Variants in G3BP2 observed in about 807,000 individuals in gnomAD.
G3BP2 encodes the protein ras GTPase-activating protein-binding protein 2.
G3BP2 carries 11 observed loss-of-function variants against 56.7 expected under a neutral mutation model. The ratio of observed to expected loss-of-function variants is 0.19; its 90% CI spans 0.12 to 0.32. The LOEUF is 0.32. Among genes scored for constraint, G3BP2 ranks in the 10% least tolerant of loss-of-function variants. G3BP2 has a pLI of 1.00. For synonymous variants in G3BP2, 165 were observed against 191.6 expected, an observed-to-expected ratio of 0.86 and a Z score of 1.15; for missense variants, 340 against 610.9, an observed-to-expected ratio of 0.56 and a Z score of 4.67.
rs1731036593 is a variant in G3BP2, at chr4:75,643,779, T to G, written c.*1651A>C. 1 of 152,638 alleles carries G rather than the reference T, an allele frequency of 6.6e-6. No individual in the cohort carries two copies. The highest frequency in any genetic ancestry group is 2.4e-5 in the African/African-American group (1 of 41,448). 9.5% of individuals were successfully genotyped at this position (152,638 alleles called of 1,614,324 possible). ...GAAGTCTTCCATGCTAACGAGCAGC[T>G]TTAAGTGGTCACACTTATTTACCCC... On this transcript the variant is annotated 3_prime_UTR_variant, in exon 12 of 12. Coordinates refer to ENST00000359707, the MANE Select transcript of G3BP2 (RefSeq NM_203505.3).
intron 3 of G3BP2, among the ~76,000 whole-genome samples, chr4:75,710,728 GTAA>G (rs900241774): frequency 6.6e-6 from 1 of 151,698 alleles, no homozygotes; most frequent in Non-Finnish European, 1.5e-5. Context: ...GTGCAGTAGT[GTAA>G]TAATAGCTCA....
upstream of G3BP2, among the ~76,000 whole-genome samples, chr4:75,675,077 T>G (rs1265217317): frequency 6.6e-6 from 1 of 151,846 alleles, no homozygotes; most frequent in Non-Finnish European, 1.5e-5. Flanking sequence ...CTTGGAGAGG[T>G]CAAGTAACTT....
Position 75,644,631 on chromosome 4 carries a change from T to C in G3BP2, c.*799A>G, listed in dbSNP as rs903554887. The C allele has an allele frequency of 6.6e-6, 1 of 151,306 alleles. No individual in the cohort carries two copies. The highest frequency in any genetic ancestry group is 2.4e-5 in the African/African-American group (1 of 40,952). The allele number at this position is 151,306 out of a possible 1,614,324, so 9.4% of individuals were successfully genotyped here. On this transcript the variant is annotated 3_prime_UTR_variant, in exon 12 of 12. Transcript: ENST00000359707. ...AGAAAGGAAAAAAGGGGAGGAGGAG[T>C]GTGTTGAGCAGCCAGCCATCCCTGT...
At chr4:75,697,721 G>A (rs974934570) in intron 3 of G3BP2, among the ~76,000 whole-genome samples, 80 of 152,258 alleles carry the variant, frequency 5.3e-4, no homozygotes, top group African/African-American at 1.8e-3. Context: ...ATCACTTGAG[G>A]TCAGGAGTTT....
At chr4:75,697,510 G>A (rs962755473) in intron 3 of G3BP2, among the ~76,000 whole-genome samples, 2 of 152,024 alleles carry the variant, frequency 1.3e-5, no homozygotes, top group African/African-American at 4.8e-5. Context: ...AAAAATTAAT[G>A]TATTTATGTA....
intron 1 of G3BP2, among the ~76,000 whole-genome samples, chr4:75,666,148 A>G (rs1016058673): frequency 2.6e-5 from 4 of 152,236 alleles, no homozygotes; most frequent in Non-Finnish European, 4.4e-5. Context: ...AGGTTCAAAA[A>G]AAGCTTCAAA....
Position 75,679,147 on chromosome 4 carries a change from T to G in G3BP2, c.-24-17098A>C, listed in dbSNP as rs928485219. ...CCAGAGTCCCTCTGACTCATGCCACTACACCATGTCCTACTGCTAAATGAT... is the reference window on the plus strand; with the variant it reads ...CCAGAGTCCCTCTGACTCATGCCACGACACCATGTCCTACTGCTAAATGAT... On this transcript the variant is annotated intron_variant, in intron 3 of 3. Coordinates refer to the G3BP2 transcript ENST00000499709. Among the ~76,000 whole-genome samples the G allele has an allele frequency of 2.0e-5, 3 of 152,232 alleles. No individual in the cohort carries two copies. The South Asian group carries it at 6.2e-4, about 31-fold the overall frequency.
In G3BP2 at chr4:75,663,004, G is replaced by A. The variant is rs140864915; in HGVS notation, c.-24-955C>T. On this transcript the variant is annotated intron_variant, in intron 1 of 11. Transcript: ENST00000359707. ...ACCAGCTATAACTTCAGTACTTAGA[G>A]AGAATCATTTTTTACCTTTGATATT... Among the ~76,000 whole-genome samples the A allele has an allele frequency of 2.6e-4, 40 of 152,278 alleles. No individual in the cohort carries two copies. The East Asian group carries it at 7.5e-3, about 29-fold the overall frequency.
At chr4:75,674,716 ATATT>A (rs1398902021), upstream of G3BP2, among the ~76,000 whole-genome samples, 740 of 52,882 alleles carry the variant, frequency 0.014, 4 homozygotes, top group African/African-American at 0.023. Flanking sequence ...ATATATATAT[ATATT>A]TTTTTTTTTT....
At chr4:75,673,652 G>A (rs1008796312), upstream of G3BP2, 1 of 1,228,516 alleles carries the variant, frequency 8.1e-7, no homozygotes. Flanking sequence ...GACGTCACAA[G>A]CAGGCTGCCT....
chr4:75,693,663 C>T (rs1718971177), intron 3 of G3BP2, among the ~76,000 whole-genome samples: 1 of 151,888 alleles, frequency 6.6e-6, no homozygotes, highest in African/African-American at 2.4e-5. Context: ...GTGGCGGGCA[C>T]CTGTAATCCC....
At chr4:75,691,642 A>G (rs1367543381) in intron 3 of G3BP2, among the ~76,000 whole-genome samples, 2 of 152,224 alleles carry the variant, frequency 1.3e-5, no homozygotes, top group African/African-American at 2.4e-5. Flanking sequence ...AGCGCTCAAC[A>G]GGAGTCTGGG....
At chr4:75,675,298 AT>A (rs2149057426), upstream of G3BP2, among the ~76,000 whole-genome samples, 1 of 152,314 alleles carries the variant, frequency 6.6e-6, no homozygotes, top group East Asian at 1.9e-4. Context: ...TTCACCATGT[AT>A]CCTGCAGAGG....
At chr4:75,688,353 T>C (rs975987541) in intron 3 of G3BP2, among the ~76,000 whole-genome samples, 1 of 152,144 alleles carries the variant, frequency 6.6e-6, no homozygotes, top group Non-Finnish European at 1.5e-5. Context: ...CCCATTAAGA[T>C]TGATAGAGGT....
intron 3 of G3BP2, among the ~76,000 whole-genome samples, chr4:75,696,784 C>A (rs1719134511): frequency 6.6e-6 from 1 of 152,154 alleles, no homozygotes; most frequent in Admixed American, 6.5e-5. Context: ...AATTTTATAA[C>A]TGTAATCCTT....
At chr4:75,716,251 C>T (rs1383127909) in intron 3 of G3BP2, among the ~76,000 whole-genome samples, 3 of 152,146 alleles carry the variant, frequency 2.0e-5, no homozygotes, top group Non-Finnish European at 4.4e-5. Flanking sequence ...CTCACTGCAA[C>T]CTCCGCCTCA....
At chr4:75,658,201 A>G (rs1359299003) in intron 3 of G3BP2, among the ~76,000 whole-genome samples, 1 of 152,190 alleles carries the variant, frequency 6.6e-6, no homozygotes, top group Non-Finnish European at 1.5e-5. Context: ...AGATTTGTAT[A>G]AACTTAATAC....
At chr4:75,695,554 C>G (rs552444813) in intron 3 of G3BP2, among the ~76,000 whole-genome samples, 103 of 152,240 alleles carry the variant, frequency 6.8e-4, no homozygotes, top group Non-Finnish European at 1.1e-3. Flanking sequence ...CTCCCAAGAG[C>G]TGAAGCCAAG....
intron 2 of G3BP2, among the ~76,000 whole-genome samples, chr4:75,721,225 G>A (rs1720164113): frequency 6.6e-6 from 1 of 150,660 alleles, no homozygotes; most frequent in African/African-American, 2.4e-5. Flanking sequence ...ACAGGCGTGA[G>A]CCACCTCGCC....
Sources: gnomAD v4.1 joint callset for allele counts (sites outside exome capture counted in the v4.1 genomes callset) on GRCh38, gnomAD v4.1.1 for gene constraint, MANE v1.5 for transcripts, NCBI Gene and HGNC (gene_info 2026-07-23, HGNC 2026-07-21) for gene names.